Variants in CETN3 observed in about 807,000 individuals in gnomAD.
CETN3 encodes centrin-3.
In CETN3, 17 loss-of-function variants were observed where a neutral mutation model predicts 20.1. The ratio of observed to expected loss-of-function variants is 0.85; its 90% confidence interval spans 0.58 to 1.27. The LOEUF (loss-of-function observed/expected upper bound fraction) is 1.27, where lower values mean the gene tolerates loss of function less well. CETN3 is among the 50% of genes most tolerant of loss of function. The pLI is 0.00. For missense variants in CETN3, 169 were observed against 191.2 expected (o/e 0.88, Z 0.69); for synonymous variants, 52 against 59.7 (o/e 0.87, Z 0.59).
At chr5:90,407,973 G>T in intron 1 of CETN3, 139 bp from the exon 2 acceptor site, 2 of 624,940 alleles carry the variant, frequency 3.2e-6, no homozygotes, top group East Asian at 3.0e-5. Flanking sequence ...ATGAGTCAAT[G>T]ACCTGTTTAT....
Position 90,402,447 on chromosome 5 carries a change from C to T in CETN3, c.269-2898G>A, listed in dbSNP as rs115658626. Among the ~76,000 whole-genome samples, 403 of 152,244 alleles carry T rather than the reference C, an allele frequency of 2.6e-3. 2 individuals carry two copies. The highest frequency in any genetic ancestry group is 9.4e-3 in the African/African-American group (389 of 41,552). Reference sequence around the variant, plus strand: ...TACCTAGTTTCCCAAACATGCTATCCGTCTAGTACCATTCTTTGTTGTTGC... The same window carrying T: ...TACCTAGTTTCCCAAACATGCTATCTGTCTAGTACCATTCTTTGTTGTTGC... On this transcript the variant is annotated intron_variant, in intron 3 of 4. Coordinates refer to ENST00000283122, the MANE Select transcript of CETN3 (RefSeq NM_004365.4).
intron 2 of CETN3, 28 bp downstream of exon 2, chr5:90,407,671 A>C: frequency 7.3e-7 from 1 of 1,367,954 alleles, no homozygotes; most frequent in East Asian, 2.6e-5. Context: ...TTTAACACAG[A>C]AACAAATATT....
chr5:90,401,771 C>T (rs1749297617), intron 3 of CETN3, among the ~76,000 whole-genome samples: 1 of 152,140 alleles, frequency 6.6e-6, no homozygotes, highest in African/African-American at 2.4e-5. Flanking sequence ...AGCTAGATTC[C>T]ATATTTGAAA....
intron 3 of CETN3, among the ~76,000 whole-genome samples, chr5:90,401,745 T>C (rs1749296915): frequency 6.6e-6 from 1 of 152,154 alleles, no homozygotes; most frequent in Non-Finnish European, 1.5e-5. Flanking sequence ...AACCAAAAGA[T>C]AACAGCAACA....
intron 3 of CETN3, among the ~76,000 whole-genome samples, chr5:90,404,598 T>C (rs1461147965): frequency 2.6e-5 from 4 of 152,216 alleles, no homozygotes; most frequent in Non-Finnish European, 5.9e-5. Flanking sequence ...GAGGATCTTC[T>C]GTGCTGTGTT....
At chr5:90,395,026 A>T (rs1038620554) in intron 4 of CETN3, among the ~76,000 whole-genome samples, 4 of 152,206 alleles carry the variant, frequency 2.6e-5, no homozygotes, top group Non-Finnish European at 5.9e-5. Flanking sequence ...TGATAATGCC[A>T]AAAGAAAACT....
chr5:90,398,340 A>G (rs1278213344), intron 4 of CETN3, among the ~76,000 whole-genome samples: 1 of 152,182 alleles, frequency 6.6e-6, no homozygotes, highest in Non-Finnish European at 1.5e-5. Context: ...TCCAGCCAAA[A>G]GATTCCATAT....
chr5:90,405,985 A>C (rs1303752833), intron 2 of CETN3, among the ~76,000 whole-genome samples, 186 bp from the exon 3 acceptor site: 2 of 152,176 alleles, frequency 1.3e-5, no homozygotes, highest in African/African-American at 4.8e-5. Context: ...AGTATGCATA[A>C]GTTTTTTCAT....
At chr5:90,396,220 A>T in intron 4 of CETN3, 1 of 985,318 alleles carries the variant, frequency 1.0e-6, no homozygotes, top group African/African-American at 1.7e-5. Flanking sequence ...AGTTAGGAAA[A>T]ATGCACCCTC....
chr5:90,404,881 A>G (rs1043872582), intron 3 of CETN3, among the ~76,000 whole-genome samples: 2 of 151,862 alleles, frequency 1.3e-5, no homozygotes, highest in Non-Finnish European at 2.9e-5. Context: ...AAAAAAAAAA[A>G]GAAATAAACC....
At chr5:90,403,396 T>C (rs1167889172) in intron 3 of CETN3, among the ~76,000 whole-genome samples, 1 of 152,220 alleles carries the variant, frequency 6.6e-6, no homozygotes, top group Non-Finnish European at 1.5e-5. Context: ...AGCCTTAAGA[T>C]AGCTAAGATA....
Position 90,407,780 on chromosome 5 carries a change from C to G in CETN3, c.72G>C (p.Glu24Asp). 2.5e-6 allele frequency: 4 copies of G among 1,602,190 alleles called. No homozygotes were observed. Among genetic ancestry groups the G allele is most frequent in the Non-Finnish European group, 3.4e-6 (4 of 1,173,572 alleles). Residue 24 changes from glutamate to aspartate, a missense_variant, in exon 2 of 5, where the codon GAG (glutamate) becomes GAC (aspartate). Glu to Asp is a conservative substitution (Grantham distance 45). Coordinates refer to ENST00000283122, the MANE Select transcript of CETN3 (RefSeq NM_004365.4). The stretch of plus-strand genomic sequence containing the variant: ...CATCTTTAATTTCTTGTTTCTGTTC[C>G]TCAGACAGTTCTCTTCTTTTTTTCC... ...TKRKKRRELS[E>D]EQKQEIKDAF...
At chr5:90,403,006 T>C (rs984090880) in intron 3 of CETN3, among the ~76,000 whole-genome samples, 12 of 152,218 alleles carry the variant, frequency 7.9e-5, no homozygotes, top group Non-Finnish European at 1.5e-5. Flanking sequence ...ATGTCAAAAA[T>C]AGTGTACAAA....
At chr5:90,402,799 A>T (rs1749332042) in intron 3 of CETN3, among the ~76,000 whole-genome samples, 1 of 152,248 alleles carries the variant, frequency 6.6e-6, no homozygotes. Context: ...ATTACAATTT[A>T]CCACATAGTA....
rs2151880930 is a variant in CETN3 at position 90,392,783 on chromosome 5, C to A, written c.*1281G>T. 1 of 152,288 alleles carries A rather than the reference C, an allele frequency of 6.6e-6. No individual in the cohort carries two copies. Among genetic ancestry groups the A allele is most frequent in the Non-Finnish European group, 1.5e-5 (1 of 68,014 alleles). 9.4% of individuals were successfully genotyped at this position (152,288 alleles called of 1,614,324 possible). A position where few individuals can be genotyped will look rare whatever the true frequency, so the allele number is the denominator to read the frequency against. ...TCTTGGGTATTTCTTCGTAGCAATA[C>A]AAGAATGACTTAATATACACTTGCT... On this transcript the variant is annotated 3_prime_UTR_variant, in exon 5 of 5. Coordinates refer to ENST00000283122, the MANE Select transcript of CETN3 (RefSeq NM_004365.4).
At chr5:90,399,293 T>C in intron 4 of CETN3, 65 bp downstream of exon 4, 3 of 1,509,992 alleles carry the variant, frequency 2.0e-6, no homozygotes, top group Non-Finnish European at 1.8e-6. Context: ...CATTTGGTTT[T>C]AGAAAAATGT....
In CETN3 at chr5:90,394,166, C is replaced by T; in HGVS notation, c.461-59G>A. On this transcript the variant is annotated intron_variant, in intron 4 of 4. Coordinates refer to ENST00000283122, the MANE Select transcript of CETN3 (RefSeq NM_004365.4). The stretch of plus-strand genomic sequence containing the variant: ...TATAAACATTTTATTTTTTCAGAAT[C>T]CACGACTACCATTTTACACTAAGTA... 5 of 1,135,516 alleles carry T rather than the reference C, an allele frequency of 4.4e-6. 1 individual carries two copies. In the South Asian group the frequency reaches 7.1e-5, roughly 16 times the overall value. 70.3% of individuals were successfully genotyped at this position (1,135,516 alleles called of 1,614,324 possible). A position where few individuals can be genotyped will look rare whatever the true frequency, so the allele number is the denominator to read the frequency against.
chr5:90,397,946 T>C (rs889396068), intron 4 of CETN3, among the ~76,000 whole-genome samples: 13 of 152,160 alleles, frequency 8.5e-5, no homozygotes, highest in Non-Finnish European at 1.6e-4. Flanking sequence ...AGCTGCTAAA[T>C]AAATGTTAAA....
chr5:90,395,771 G>A (rs1749124516), intron 4 of CETN3: 3 of 624,212 alleles, frequency 4.8e-6, no homozygotes, highest in Non-Finnish European at 2.0e-6. Flanking sequence ...CATTGTACTA[G>A]TCTGACAATT....
Sources: allele counts gnomAD v4.1 joint callset (sites outside exome capture counted in the v4.1 genomes callset), GRCh38; gene constraint gnomAD v4.1.1; transcripts MANE v1.5; gene names NCBI Gene and HGNC (gene_info 2026-07-23, HGNC 2026-07-21).